The following RTCA variants were observed in gnomAD, a reference collection of about 807,000 sequenced individuals.
RTCA encodes the protein RNA terminal phosphate cyclase domain 1.
RTCA carries 37 observed loss-of-function variants against 46.1 expected under a neutral mutation model. The ratio of observed to expected loss-of-function variants is 0.80; its 90% CI spans 0.62 to 1.06. The LOEUF is 1.06. Ranked by LOEUF, RTCA falls within the 50% of genes least tolerant of loss-of-function variation. The pLI, the probability that RTCA is intolerant of heterozygous loss-of-function variation, is 0.00. For synonymous variants in RTCA, 164 were observed against 158.3 expected (o/e 1.04, Z -0.27); for missense variants, 435 against 455.5 (o/e 0.95, Z 0.41).
intron 4 of RTCA, among the ~76,000 whole-genome samples, chr1:100,272,408 C>T (rs373798462): frequency 6.6e-5 from 10 of 151,966 alleles, no homozygotes; most frequent in East Asian, 5.8e-4. Flanking sequence ...GGTAACATAG[C>T]GAGACCCCAT....
rs377069042 is a variant in RTCA, at chr1:100,275,720, T to G, written c.737T>G (p.Ile246Arg). ...CAAGCATTTGGCAATGGAAATGGAATAATGTGAGACAATACTTTTTCCTAC... is the reference window on the plus strand; with the variant it reads ...CAAGCATTTGGCAATGGAAATGGAAGAATGTGAGACAATACTTTTTCCTAC... ...KDQAFGNGNG[I>R]IIIAETSTGC... The change falls in exon 7 of 11, where the codon ATA becomes AGA. Residue 246 changes from isoleucine to arginine, a missense_variant. Physicochemically the swap from Ile to Arg is moderately conservative, Grantham distance 97 (BLOSUM62 -3). Transcript: ENST00000370128. 1.4e-4 allele frequency: 229 copies of G among 1,608,656 alleles called. No homozygotes were observed. The highest frequency in any genetic ancestry group is 1.9e-4 in the Non-Finnish European group (219 of 1,177,648).
chr1:100,280,001 A>G (rs895460618), intron 8 of RTCA, among the ~76,000 whole-genome samples: 1 of 152,230 alleles, frequency 6.6e-6, no homozygotes, highest in African/African-American at 2.4e-5. Context: ...GAAGAAAGCC[A>G]TATTAGAGGC....
At chr1:100,270,958 A>C (rs1174942753) in intron 4 of RTCA, among the ~76,000 whole-genome samples, 2 of 151,438 alleles carry the variant, frequency 1.3e-5, no homozygotes, top group African/African-American at 4.9e-5. Context: ...ACACCCAGCC[A>C]ATTTTTTTAA....
Position 100,277,291 on chromosome 1 carries a change from T to G in RTCA, c.774T>G (p.Phe258Leu), listed in dbSNP as rs199585881. 1 of 1,612,374 alleles carries G rather than the reference T, an allele frequency of 6.2e-7. No individual in the cohort carries two copies. Among genetic ancestry groups the G allele is most frequent in the Non-Finnish European group, 8.5e-7 (1 of 1,179,438 alleles). ...IIAETSTGCL[F>L]AGSSLGKRGV... is the part of the protein sequence containing the mutation. ...CTGAGACCTCCACTGGCTGTTTGTTTGCTGGATCATCGCTTGGTAAACGAG... is the reference window on the plus strand; with the variant it reads ...CTGAGACCTCCACTGGCTGTTTGTTGGCTGGATCATCGCTTGGTAAACGAG... The change falls in exon 8 of 11, where the codon TTT becomes TTG. Residue 258 changes from phenylalanine (F) to leucine (L), a missense_variant. By Grantham distance (22) the Phe-to-Leu change is conservative (BLOSUM62 0). Transcript: ENST00000370128.
intron 4 of RTCA, 32 bp from the exon 5 acceptor site, chr1:100,273,362 A>G: frequency 7.0e-7 from 1 of 1,428,598 alleles, no homozygotes; most frequent in Non-Finnish European, 9.7e-7. Context: ...AATATTGCTG[A>G]TTAACCTAAT....
At chr1:100,280,363 G>A (rs149345899) in intron 8 of RTCA, among the ~76,000 whole-genome samples, 5 of 152,254 alleles carry the variant, frequency 3.3e-5, no homozygotes, top group Non-Finnish European at 5.9e-5. Flanking sequence ...ATTTTCTAAT[G>A]TTCTGTCAGC....
intron 8 of RTCA, among the ~76,000 whole-genome samples, chr1:100,277,573 A>T (rs948275216): frequency 6.6e-6 from 1 of 152,204 alleles, no homozygotes; most frequent in Admixed American, 6.5e-5. Context: ...TTCACTAGTT[A>T]TGAACATTTA....
At chr1:100,275,078 T>G in intron 6 of RTCA, 113 bp downstream of exon 6, 1 of 1,139,314 alleles carries the variant, frequency 8.8e-7, no homozygotes, top group Non-Finnish European at 1.2e-6. Context: ...AGGAAAGAAA[T>G]AATGTCCTTT....
chr1:100,288,666 C>T (rs1331617036), intron 10 of RTCA, among the ~76,000 whole-genome samples: 2 of 152,130 alleles, frequency 1.3e-5, no homozygotes, highest in African/African-American at 2.4e-5. Flanking sequence ...GCTAGGATTA[C>T]AGGTGTAAGC....
chr1:100,278,935 A>C (rs2100802794), intron 8 of RTCA, among the ~76,000 whole-genome samples: 1 of 152,328 alleles, frequency 6.6e-6, no homozygotes, highest in East Asian at 1.9e-4. Flanking sequence ...GGGCCCAGGA[A>C]TCCATTTTAA....
chr1:100,270,718 A>C (rs376244228), intron 4 of RTCA, 38 bp downstream of exon 4: 44 of 1,603,850 alleles, frequency 2.7e-5, no homozygotes, highest in Middle Eastern at 1.7e-4. Context: ...AGATGATCTC[A>C]TACATGCTTC....
intron 9 of RTCA, 49 bp downstream of exon 9, chr1:100,285,371 A>G: frequency 8.2e-7 from 1 of 1,216,290 alleles, no homozygotes; most frequent in South Asian, 1.3e-5. Flanking sequence ...AGATTTGAAT[A>G]TGTGGTAGAT....
At chr1:100,278,645 C>T (rs963958024) in intron 8 of RTCA, among the ~76,000 whole-genome samples, 9 of 152,136 alleles carry the variant, frequency 5.9e-5, no homozygotes, top group African/African-American at 2.2e-4. Flanking sequence ...CCTAGCTATG[C>T]TGTTAAGCCA....
chr1:100,286,370 C>T (rs986049489), intron 9 of RTCA, among the ~76,000 whole-genome samples: 4 of 141,858 alleles, frequency 2.8e-5, no homozygotes, highest in African/African-American at 1.1e-4. Context: ...AGGAGAAAGG[C>T]GTGAACCTGG....
chr1:100,267,574 G>A (rs1463589642), intron 2 of RTCA: 1 of 1,525,312 alleles, frequency 6.6e-7, no homozygotes. Flanking sequence ...AAAAGGATCT[G>A]CTCCAGGCCT....
rs1491053174 is a variant in RTCA at position 100,266,261 on chromosome 1, TGC to T, written c.-112_-111del. 6 of 614,528 alleles carry T rather than the reference TGC, an allele frequency of 9.8e-6. No homozygotes were observed. The African/African-American group carries it at 1.0e-4, about 11-fold the overall frequency. 38.1% of individuals were successfully genotyped at this position (614,528 alleles called of 1,614,324 possible). A position where few individuals can be genotyped will look rare whatever the true frequency, so the allele number is the denominator to read the frequency against. ...TTCTTCCGCTTTCTCGTCAGGCTCC[TGC>T]GCCCCAGGCATGAACCAAGGTTTCT... On this transcript the variant is annotated 5_prime_UTR_variant, in exon 1 of 11. Coordinates refer to ENST00000370128, the MANE Select transcript of RTCA (RefSeq NM_003729.4).
In RTCA at chr1:100,273,441, C is replaced by T; in HGVS notation, c.462C>T (p.Asp154=). The change falls in exon 5 of 11, where the codon GAC becomes GAT. Residue 154 remains aspartate (D), a synonymous_variant. Coordinates refer to ENST00000370128, the MANE Select transcript of RTCA (RefSeq NM_003729.4). ...AATTTGGTTTCATATTTAATTGTGA[C>T]ATTAAAACAAGGTAAGTTGCTTGTT... ...VEKFGFIFNC[D]IKTRGYYPKG... 1 of 1,577,298 alleles carries T rather than the reference C, an allele frequency of 6.3e-7. No homozygotes were observed. The highest frequency in any genetic ancestry group is 8.6e-7 in the Non-Finnish European group (1 of 1,158,916).
At position 100,291,391 on chromosome 1, in the gene RTCA, T is replaced by C; in HGVS notation, c.1000-12T>C. 1 of 1,579,824 alleles carries C rather than the reference T, an allele frequency of 6.3e-7. No homozygotes were observed. The highest frequency in any genetic ancestry group is 8.7e-7 in the Non-Finnish European group (1 of 1,152,752). ...TCTTCGTATTACTTATATACTCCTC[T>C]TCTGATTTCAGGCTAAATTTATTGT... On this transcript the variant is annotated splice_polypyrimidine_tract_variant and intron_variant, in intron 10 of 10. Coordinates refer to ENST00000370128, the MANE Select transcript of RTCA (RefSeq NM_003729.4).
chr1:100,271,834 C>A (rs892834612), intron 4 of RTCA, among the ~76,000 whole-genome samples: 1 of 152,192 alleles, frequency 6.6e-6, no homozygotes, highest in Non-Finnish European at 1.5e-5. Flanking sequence ...TTCCCTTATA[C>A]GTTTTTGTAA....
Sources: gnomAD v4.1 joint callset for allele counts (sites outside exome capture counted in the v4.1 genomes callset) on GRCh38, gnomAD v4.1.1 for gene constraint, MANE v1.5 for transcripts, NCBI Gene and HGNC (gene_info 2026-07-23, HGNC 2026-07-21) for gene names.